The following MYLK3 variants were observed in gnomAD, a reference collection of about 807,000 sequenced individuals.
The protein encoded by MYLK3 is MLC kinase.
MYLK3 carries 55 observed loss-of-function variants against 76.3 expected under a neutral mutation model. The ratio of observed to expected loss-of-function variants is 0.72; its 90% confidence interval spans 0.58 to 0.90. The LOEUF is 0.90. Ranked by LOEUF, MYLK3 falls within the 40% of genes least tolerant of loss-of-function variation. The probability of loss-of-function intolerance (pLI) is 0.00; values close to 1 mark genes in which losing one functional copy is unlikely to be tolerated. For synonymous variants in MYLK3, 416 were observed against 425.4 expected, an observed-to-expected ratio of 0.98 and a Z score of 0.27; for missense variants, 973 against 1,053.6, an observed-to-expected ratio of 0.92 and a Z score of 1.06.
Position 46,738,080 on chromosome 16 carries a change from C to A in MYLK3, c.632G>T (p.Gly211Val). The A allele has an allele frequency of 6.3e-7, 1 of 1,597,572 alleles. No homozygotes were observed. Among genetic ancestry groups the A allele is most frequent in the East Asian group, 2.2e-5 (1 of 44,568 alleles). Residue 211 changes from glycine (G) to valine (V), a missense_variant, in exon 3 of 13, where the codon GGG becomes GTG. Physicochemically the swap from Gly to Val is moderately radical, Grantham distance 109. Transcript: ENST00000394809. Reference protein sequence around the residue: ...AERLPPIRASGLGADPAQAVV... With the variant: ...AERLPPIRASVLGADPAQAVV... Reference sequence around the variant, plus strand: ...TGCCTGGGCGGGGTCAGCTCCCAGCCCTGACGCTCTGATGGGGGGCAGCCT... The same window carrying A: ...TGCCTGGGCGGGGTCAGCTCCCAGCACTGACGCTCTGATGGGGGGCAGCCT...
Position 46,721,095 on chromosome 16 carries a change from TTAAGGTATCTAAA to T in MYLK3, c.1985+15_1985+27del. On this transcript the variant is annotated intron_variant, in intron 9 of 12. Coordinates refer to ENST00000394809, the MANE Select transcript of MYLK3 (RefSeq NM_182493.3). ...CCACAAAGAGTCCCAAGGAATTTTG[TTAAGGTATCTAAA>T]TAAAACCCCCTTACCTTCTGGCCAG... The T allele has an allele frequency of 6.2e-7, 1 of 1,602,074 alleles. No individual in the cohort carries two copies. The highest frequency in any genetic ancestry group is 8.6e-7 in the Non-Finnish European group (1 of 1,168,992).
chr16:46,737,259 A>G (rs983017217), intron 3 of MYLK3, among the ~76,000 whole-genome samples: 2 of 152,056 alleles, frequency 1.3e-5, no homozygotes, highest in African/African-American at 2.4e-5. Context: ...TAACAACCAC[A>G]TTCACCTTCT....
Position 46,712,792 on chromosome 16 carries a change from G to A in MYLK3, c.1986-16C>T. ...AGGCTTGTACCTGGGGAGAAGGGGA[G>A]GGTACAAAGAAGCATGGGGTGAGGC... On this transcript the variant is annotated splice_polypyrimidine_tract_variant and intron_variant, in intron 9 of 12. Transcript: ENST00000394809. The A allele has an allele frequency of 6.3e-7, 1 of 1,576,510 alleles. No individual in the cohort carries two copies. The highest frequency in any genetic ancestry group is 8.6e-7 in the Non-Finnish European group (1 of 1,162,254).
At chr16:46,709,892 CAT>C (rs1186735934) in intron 11 of MYLK3, among the ~76,000 whole-genome samples, 1 of 152,166 alleles carries the variant, frequency 6.6e-6, no homozygotes, top group African/African-American at 2.4e-5. Context: ...ATAGGGGGAA[CAT>C]ATTCCAGTGA....
rs951983959 is a variant in MYLK3 at position 46,703,165 on chromosome 16, A to T, written c.*4539T>A. Among the ~76,000 whole-genome samples the T allele has an allele frequency of 6.6e-6, 1 of 152,162 alleles. No individual in the cohort carries two copies. Among genetic ancestry groups the T allele is most frequent in the Admixed American group, 6.5e-5 (1 of 15,276 alleles). ...AATTTAAGAAAAAATGGCTTTCAGT[A>T]TATCTAGATCTATCTATAACAGCTG... is the stretch of plus-strand genomic sequence containing the variant. On this transcript the variant is annotated 3_prime_UTR_variant, in exon 13 of 13. Coordinates refer to ENST00000394809, the MANE Select transcript of MYLK3 (RefSeq NM_182493.3).
At chr16:46,710,606 G>A (rs200687005) in intron 11 of MYLK3, 31 bp downstream of exon 11, 38 of 1,612,810 alleles carry the variant, frequency 2.4e-5, no homozygotes, top group South Asian at 8.8e-5. Flanking sequence ...CCCATCAGAA[G>A]GGCCCATGAG....
rs772963335 is a variant in MYLK3 at position 46,748,059 on chromosome 16, ATCT to A, written c.132_134del (p.Glu44del). On this transcript the variant is annotated inframe_deletion, in exon 1 of 13. Coordinates refer to ENST00000394809, the MANE Select transcript of MYLK3 (RefSeq NM_182493.3). This position sits in a 1 kb window ranked among gnomAD's most constrained non-coding sequence, Gnocchi z 4.3. ...ACATGCTCTGCAACTTCTCTGTGAC[ATCT>A]TCTTGGAAGTGCAGGAGCTGGTCCA... is the stretch of plus-strand genomic sequence containing the variant. 2.4e-5 allele frequency: 39 copies of A among 1,614,088 alleles called. No homozygotes were observed. The highest frequency in any genetic ancestry group is 1.1e-4 in the South Asian group (10 of 91,092).
upstream of MYLK3, among the ~76,000 whole-genome samples, chr16:46,752,099 A>G (rs779875375): frequency 3.9e-5 from 6 of 152,094 alleles, no homozygotes; most frequent in Non-Finnish European, 7.4e-5. Context: ...CCTCTCGCGG[A>G]AAAAGACAGG....
upstream of MYLK3, among the ~76,000 whole-genome samples, chr16:46,749,377 GC>G (rs1185481082): frequency 2.0e-5 from 3 of 152,266 alleles, no homozygotes; most frequent in Non-Finnish European, 4.4e-5. Flanking sequence ...GGGCAGGGCT[GC>G]CCCCAAGGGA....
chr16:46,709,015 T>C (rs1048809810), intron 12 of MYLK3, among the ~76,000 whole-genome samples: 5 of 152,246 alleles, frequency 3.3e-5, no homozygotes, highest in African/African-American at 1.2e-4. Flanking sequence ...ATGTAAGTTT[T>C]ATGCCAGTTA....
At chr16:46,748,804 A>G (rs1041435681), upstream of MYLK3, among the ~76,000 whole-genome samples, 18 of 152,218 alleles carry the variant, frequency 1.2e-4, no homozygotes, top group Non-Finnish European at 4.4e-5. This position sits in a 1 kb window ranked among gnomAD's most constrained non-coding sequence, Gnocchi z 4.3. Context: ...TGCCCCTACT[A>G]CACCAGCGTT....
intron 4 of MYLK3, among the ~76,000 whole-genome samples, chr16:46,731,301 C>A (rs560086672): frequency 2.6e-5 from 4 of 152,316 alleles, no homozygotes; most frequent in Admixed American, 1.3e-4. Flanking sequence ...ACGGCCAGCA[C>A]TTGGAAAGGT....
chr16:46,719,275 C>T lies in MYLK3; in HGVS notation c.1985+1848G>A, dbSNP rs949789168. 7.3e-5 allele frequency among the ~76,000 whole-genome samples: 11 copies of T among 150,442 alleles called. 1 individual carries two copies. Among genetic ancestry groups the T allele is most frequent in the African/African-American group, 2.2e-4 (9 of 40,840 alleles). On this transcript the variant is annotated intron_variant, in intron 9 of 12. Transcript: ENST00000394809. ...CCAGGAGACGGAGGTTGCAGTGAGC[C>T]GAGATCGTGCCACTGCACTCCAGCC...
At chr16:46,710,922 C>G in intron 10 of MYLK3, 133 bp from the exon 11 acceptor site, 1 of 962,306 alleles carries the variant, frequency 1.0e-6, no homozygotes, top group Admixed American at 2.0e-5. Flanking sequence ...AGCACCTCCA[C>G]TACTTCTCCA....
At chr16:46,739,840 G>C (rs28185) in intron 2 of MYLK3, among the ~76,000 whole-genome samples, 2 of 152,168 alleles carry the variant, frequency 1.3e-5, no homozygotes, top group South Asian at 4.2e-4. Flanking sequence ...CAACCCCGAG[G>C]TGTTCAAGGG....
chr16:46,754,168 C>T (rs747802614), intron 1 of MYLK3, among the ~76,000 whole-genome samples: 2 of 151,828 alleles, frequency 1.3e-5, no homozygotes, highest in Admixed American at 6.6e-5. Flanking sequence ...GACAATGAGT[C>T]CAGCTAGCCT....
chr16:46,748,405 C>T (rs748067298), upstream of MYLK3: 39 of 901,704 alleles, frequency 4.3e-5, no homozygotes, highest in Non-Finnish European at 5.7e-5. The surrounding 1 kb of genome is among the most constrained non-coding windows in gnomAD (Gnocchi z 4.3). Flanking sequence ...CCACCCTACA[C>T]GGGCCTGTGA....
intron 1 of MYLK3, among the ~76,000 whole-genome samples, chr16:46,755,906 C>CTTTCT (rs1967193425): frequency 1.8e-5 from 2 of 109,746 alleles, no homozygotes; most frequent in South Asian, 5.6e-4. Context: ...TTTTTTCTTT[C>CTTTCT]TTTTTTTTTT....
rs1014399800 is a variant in MYLK3, at chr16:46,704,086, T to A, written c.*3618A>T. 1 of 152,152 alleles carries A rather than the reference T, an allele frequency of 6.6e-6. No individual in the cohort carries two copies. Among genetic ancestry groups the A allele is most frequent in the Non-Finnish European group, 1.5e-5 (1 of 68,048 alleles). The allele number at this position is 152,152 out of a possible 1,614,324, so 9.4% of individuals were successfully genotyped here. ...AAACCTAGCATCTGAATTGACAGGT[T>A]TTTTTTTGTTTTGTTTGTTTGTTTG... On this transcript the variant is annotated 3_prime_UTR_variant, in exon 13 of 13. Coordinates refer to ENST00000394809, the MANE Select transcript of MYLK3 (RefSeq NM_182493.3).
Sources: allele counts gnomAD v4.1 joint callset (sites outside exome capture counted in the v4.1 genomes callset), GRCh38; gene constraint gnomAD v4.1.1; non-coding constraint Gnocchi (gnomAD v3.1); transcripts MANE v1.5; gene names NCBI Gene and HGNC (gene_info 2026-07-23, HGNC 2026-07-21).